The following ENTPD1 variants were observed in gnomAD, a reference collection of about 807,000 sequenced individuals.
The protein encoded by ENTPD1 is ATP diphosphohydrolase.
Under a neutral mutation model 57.0 loss-of-function variants are expected in ENTPD1, and 33 were observed. The ratio of observed to expected loss-of-function variants is 0.58; its 90% confidence interval spans 0.44 to 0.77. The LOEUF (loss-of-function observed/expected upper bound fraction) is 0.77, where lower values mean the gene tolerates loss of function less well. Ranked by LOEUF, ENTPD1 falls within the 30% of genes least tolerant of loss-of-function variation. ENTPD1 has a pLI of 0.00. For synonymous variants in ENTPD1, 202 were observed against 218.8 expected, an observed-to-expected ratio of 0.92 and a Z score of 0.68; for missense variants, 501 against 603.4, an observed-to-expected ratio of 0.83 and a Z score of 1.78.
chr10:95,812,221 C>T (rs1283104915), intron 1 of ENTPD1, among the ~76,000 whole-genome samples: 1 of 152,194 alleles, frequency 6.6e-6, no homozygotes, highest in East Asian at 1.9e-4. Flanking sequence ...TCCAAAAGCT[C>T]CTTTGTGGCC....
intron 1 of ENTPD1, among the ~76,000 whole-genome samples, chr10:95,757,406 C>G (rs772643220): frequency 2.7e-5 from 4 of 148,712 alleles, no homozygotes; most frequent in Non-Finnish European, 4.5e-5. Context: ...TGGAGGTGGT[C>G]TGAGGCAGGG....
At chr10:95,737,882 A>G (rs1434066446) in intron 1 of ENTPD1, among the ~76,000 whole-genome samples, 1 of 152,216 alleles carries the variant, frequency 6.6e-6, no homozygotes, top group Non-Finnish European at 1.5e-5. Flanking sequence ...CAGAAAATCT[A>G]TAACTATGAT....
At chr10:95,702,662 A>T in the ENTPD1 span, among the ~76,000 whole-genome samples, 1 of 152,326 alleles carries the variant, frequency 6.6e-6, no homozygotes, top group East Asian at 1.9e-4. Flanking sequence ...AAACCCAAAC[A>T]AGATAAATTT....
intron 1 of ENTPD1, among the ~76,000 whole-genome samples, chr10:95,767,681 A>G (rs998490238): frequency 8.6e-5 from 13 of 152,008 alleles, no homozygotes; most frequent in Admixed American, 8.5e-4. Flanking sequence ...TAGTAAGCAT[A>G]TTAATTTTTA....
chr10:95,791,963 G>C lies in ENTPD1; in HGVS notation c.17-31274G>C, dbSNP rs2098205863. Among the ~76,000 whole-genome samples the C allele has an allele frequency of 6.6e-6, 1 of 152,084 alleles. No homozygotes were observed. Among genetic ancestry groups the C allele is most frequent in the African/African-American group, 2.4e-5 (1 of 41,398 alleles). ...AACCTGAAGATGACAGTGAAGTCAG[G>C]CACAAAACTGAACTCAGGGGAGTAA... On this transcript the variant is annotated intron_variant, in intron 1 of 9. Transcript: ENST00000371205. The surrounding 1 kb of genome is among the most constrained non-coding windows in gnomAD (Gnocchi z 4.1).
chr10:95,764,905 A>G (rs2098082574), intron 1 of ENTPD1, among the ~76,000 whole-genome samples: 1 of 151,966 alleles, frequency 6.6e-6, no homozygotes, highest in South Asian at 2.1e-4. Context: ...TATTTTTAGT[A>G]GAGACGGGCT....
intron 1 of ENTPD1, among the ~76,000 whole-genome samples, chr10:95,806,268 T>C (rs1433264720): frequency 1.3e-5 from 2 of 152,226 alleles, no homozygotes; most frequent in African/African-American, 2.4e-5. Context: ...TACCCTTTCT[T>C]CCACTTGATC....
intron 3 of ENTPD1, among the ~76,000 whole-genome samples, chr10:95,841,857 C>T (rs2098423353): frequency 6.6e-6 from 1 of 152,218 alleles, no homozygotes; most frequent in Non-Finnish European, 1.5e-5. Flanking sequence ...CAGGAAGCAA[C>T]TCCACCTCAG....
chr10:95,789,858 C>T (rs1414737576), intron 1 of ENTPD1, among the ~76,000 whole-genome samples: 1 of 152,098 alleles, frequency 6.6e-6, no homozygotes, highest in African/African-American at 2.4e-5. Context: ...ATTTTGTAGC[C>T]ACCTCCTCTT....
At chr10:95,766,937 T>C (rs963293515) in intron 1 of ENTPD1, among the ~76,000 whole-genome samples, 1 of 151,654 alleles carries the variant, frequency 6.6e-6, no homozygotes, top group Non-Finnish European at 1.5e-5. Context: ...TGGAGTGCAG[T>C]AGCATAATCA....
chr10:95,850,565 A>G (rs1317424268), intron 7 of ENTPD1, among the ~76,000 whole-genome samples: 2 of 152,148 alleles, frequency 1.3e-5, no homozygotes, highest in Non-Finnish European at 2.9e-5. Flanking sequence ...AAGTAGTTCT[A>G]CCACAGCCTA....
intron 5 of ENTPD1, 41 bp downstream of exon 5, chr10:95,844,676 G>A (rs368206713): frequency 1.2e-6 from 2 of 1,612,866 alleles, no homozygotes; most frequent in African/African-American, 1.3e-5. Flanking sequence ...CTCTCTGGAG[G>A]CCAATGCCAT....
intron 1 of ENTPD1, among the ~76,000 whole-genome samples, chr10:95,729,018 A>C (rs1475744244): frequency 3.3e-5 from 5 of 152,080 alleles, no homozygotes; most frequent in Non-Finnish European, 7.4e-5. Flanking sequence ...ACTTTTTCTT[A>C]GTATTTTCAA....
intron 4 of ENTPD1, 134 bp from the exon 5 acceptor site, chr10:95,844,342 T>A: frequency 8.2e-7 from 1 of 1,225,816 alleles, no homozygotes; most frequent in Non-Finnish European, 1.2e-6. Flanking sequence ...TGTGCGAAGA[T>A]CCCCATCTCT....
At chr10:95,751,027 C>G (rs1429194900), upstream of ENTPD1, among the ~76,000 whole-genome samples, 1 of 151,776 alleles carries the variant, frequency 6.6e-6, no homozygotes, top group Admixed American at 6.6e-5. Context: ...CATCTCAGAA[C>G]AAAACAAAAC....
intron 1 of ENTPD1, among the ~76,000 whole-genome samples, chr10:95,784,724 G>A (rs2098171984): frequency 6.6e-6 from 1 of 152,190 alleles, no homozygotes; most frequent in African/African-American, 2.4e-5. Flanking sequence ...CAATGAGGAA[G>A]GAGGAGAGAG....
At chr10:95,819,898 C>A (rs569536824) in intron 1 of ENTPD1, among the ~76,000 whole-genome samples, 17 of 152,288 alleles carry the variant, frequency 1.1e-4, no homozygotes, top group African/African-American at 2.9e-4. Context: ...CATTGTATGA[C>A]AGAAACCACA....
chr10:95,709,365 T>C (rs1191891992), upstream of ENTPD1, among the ~76,000 whole-genome samples: 1 of 152,158 alleles, frequency 6.6e-6, no homozygotes, highest in Non-Finnish European at 1.5e-5. Context: ...TTCCTTATTT[T>C]TTTTTTCTGT....
the ENTPD1 span, among the ~76,000 whole-genome samples, chr10:95,697,169 A>G: frequency 7.9e-5 from 12 of 152,242 alleles, no homozygotes; most frequent in Non-Finnish European, 1.3e-4. Flanking sequence ...TTTGTTATCA[A>G]TAGTGGCCCT....
Sources: gnomAD v4.1 joint callset for allele counts (sites outside exome capture counted in the v4.1 genomes callset) on GRCh38, gnomAD v4.1.1 for gene constraint, Gnocchi (gnomAD v3.1) non-coding constraint, MANE v1.5 for transcripts, NCBI Gene and HGNC (gene_info 2026-07-23, HGNC 2026-07-21) for gene names.